The following KCNMA1 variants were observed in gnomAD, a reference collection of about 807,000 sequenced individuals.
The protein encoded by KCNMA1 is Calcium-activated potassium channel subunit alpha-1.
KCNMA1 carries 29 observed loss-of-function variants against 140.0 expected under a neutral mutation model. That is an observed-to-expected ratio of 0.21 (90% CI 0.15 to 0.28). KCNMA1 has a LOEUF of 0.28. Among genes scored for constraint, KCNMA1 ranks in the 10% least tolerant of loss-of-function variants. The pLI is 1.00. For missense variants in KCNMA1, 880 were observed against 1,602.2 expected (o/e 0.55, Z 7.70); for synonymous variants, 612 against 611.9 (o/e 1.00, Z 0.00).
chr10:77,407,258 C>T (rs1046729878), intron 1 of KCNMA1, among the ~76,000 whole-genome samples: 3 of 152,176 alleles, frequency 2.0e-5, no homozygotes, highest in African/African-American at 7.2e-5. Flanking sequence ...AGGCTAGCCA[C>T]AGATCTTGTG....
intron 1 of KCNMA1, among the ~76,000 whole-genome samples, chr10:77,514,253 A>G (rs1039653466): frequency 1.4e-4 from 21 of 152,208 alleles, no homozygotes; most frequent in African/African-American, 5.1e-4. Context: ...TCTGCCCCTC[A>G]GAGATAGCCA....
rs201304328 is a variant in KCNMA1, at chr10:77,496,596, C to CAAA, written c.379-92576_379-92574dup. Among the ~76,000 whole-genome samples, 286 of 62,982 alleles carry CAAA rather than the reference C, an allele frequency of 4.5e-3. 42 individuals are homozygous for CAAA. Among genetic ancestry groups the CAAA allele is most frequent in the Middle Eastern group, 0.014 (1 of 72 alleles). The allele number at this position is 62,982 out of a possible 152,430, so 41.3% of individuals were successfully genotyped here. A position where few individuals can be genotyped will look rare whatever the true frequency, so the allele number is the denominator to read the frequency against. The stretch of plus-strand genomic sequence containing the variant: ...TGGGTGACAGAGCGAGACACTGTCT[C>CAAA]AAAAAAAAAAAAAAAAAAAAAAAAA... On this transcript the variant is annotated intron_variant, in intron 1 of 27. Coordinates refer to ENST00000286628, the MANE Select transcript of KCNMA1 (RefSeq NM_001161352.2).
At chr10:77,540,919 C>T (rs1052640301) in intron 1 of KCNMA1, among the ~76,000 whole-genome samples, 1 of 151,904 alleles carries the variant, frequency 6.6e-6, no homozygotes, top group East Asian at 1.9e-4. Flanking sequence ...GCAGGAGAAT[C>T]GCTTGAACCC....
intron 19 of KCNMA1, among the ~76,000 whole-genome samples, chr10:76,971,637 C>T (rs1404569341): frequency 6.6e-6 from 1 of 152,106 alleles, no homozygotes; most frequent in Non-Finnish European, 1.5e-5. Context: ...CCCTGTACCA[C>T]CTGCTTCCTC....
intron 6 of KCNMA1, among the ~76,000 whole-genome samples, chr10:77,119,411 TAG>T (rs2097548384): frequency 6.6e-6 from 1 of 152,136 alleles, no homozygotes; most frequent in Admixed American, 6.5e-5. Flanking sequence ...TACCCAATGT[TAG>T]AGAGTGTCAC....
intron 19 of KCNMA1, chr10:76,977,610 T>A (rs1471085858): frequency 2.8e-6 from 2 of 702,808 alleles, no homozygotes; most frequent in Non-Finnish European, 5.2e-6. Flanking sequence ...TGCTTTCCAG[T>A]CTCCACAAAG....
intron 15 of KCNMA1, among the ~76,000 whole-genome samples, chr10:77,032,178 T>C (rs1199702290): frequency 2.0e-5 from 3 of 152,210 alleles, no homozygotes; most frequent in African/African-American, 4.8e-5. Flanking sequence ...GAGACCCTCT[T>C]ATACCCTTAT....
intron 1 of KCNMA1, among the ~76,000 whole-genome samples, chr10:77,577,485 G>T (rs184572048): frequency 6.6e-6 from 1 of 152,262 alleles, no homozygotes; most frequent in Non-Finnish European, 1.5e-5. Context: ...TTCTATGCAA[G>T]ATGGTCCCGT....
At chr10:77,599,634 G>A (rs977719642) in intron 1 of KCNMA1, among the ~76,000 whole-genome samples, 6 of 152,184 alleles carry the variant, frequency 3.9e-5, no homozygotes, top group African/African-American at 9.7e-5. Context: ...TTCCCACTGC[G>A]CAGAGTTGAC....
intron 2 of KCNMA1, among the ~76,000 whole-genome samples, chr10:77,339,705 G>A (rs1220067684): frequency 6.6e-5 from 10 of 152,252 alleles, no homozygotes; most frequent in Non-Finnish European, 1.5e-4. Context: ...CCAAGGTGGA[G>A]TCCAACCTTG....
intron 2 of KCNMA1, among the ~76,000 whole-genome samples, chr10:77,302,972 C>G (rs1412135213): frequency 1.3e-5 from 2 of 152,088 alleles, no homozygotes; most frequent in Non-Finnish European, 2.9e-5. Flanking sequence ...CCTGTGTTTG[C>G]CTAGGGATTT....
intron 2 of KCNMA1, among the ~76,000 whole-genome samples, chr10:77,282,949 T>C (rs1005815018): frequency 2.6e-5 from 4 of 152,378 alleles, no homozygotes; most frequent in South Asian, 2.1e-4. Flanking sequence ...TGAAGCTAGC[T>C]GAATATGTTC....
chr10:77,099,094 T>A (rs2153819755), intron 9 of KCNMA1, among the ~76,000 whole-genome samples: 1 of 152,140 alleles, frequency 6.6e-6, no homozygotes, highest in African/African-American at 2.4e-5. Flanking sequence ...AAGCAGAGAC[T>A]GAGAGAAGAC....
At chr10:76,909,753 C>A (rs1184734572) in intron 25 of KCNMA1, among the ~76,000 whole-genome samples, 1 of 152,194 alleles carries the variant, frequency 6.6e-6, no homozygotes, top group Non-Finnish European at 1.5e-5. Context: ...TTCCTTCTAG[C>A]CTGCCTTGCC....
intron 5 of KCNMA1, among the ~76,000 whole-genome samples, chr10:77,124,000 A>T (rs2574788): frequency 6.6e-6 from 1 of 151,966 alleles, no homozygotes; most frequent in East Asian, 1.9e-4. Flanking sequence ...CAACTTAAAC[A>T]TTATGAATTG....
In KCNMA1 at chr10:76,917,247, G is replaced by A. The variant is rs187525196; in HGVS notation, c.2903-2198C>T. 2.4e-3 allele frequency among the ~76,000 whole-genome samples: 369 copies of A among 152,210 alleles called. 1 individual carries two copies. The highest frequency in any genetic ancestry group is 3.0e-3 in the Non-Finnish European group (207 of 68,016). On this transcript the variant is annotated intron_variant, in intron 23 of 27. Coordinates refer to ENST00000286628, the MANE Select transcript of KCNMA1 (RefSeq NM_001161352.2). ...ACTTGACAAGTAAACACCTTAAATCGGTAATGCTATATGCATAATACATGG... is the reference window on the plus strand; with the variant it reads ...ACTTGACAAGTAAACACCTTAAATCAGTAATGCTATATGCATAATACATGG...
At chr10:76,926,346 T>C (rs183472027) in intron 23 of KCNMA1, among the ~76,000 whole-genome samples, 1 of 152,186 alleles carries the variant, frequency 6.6e-6, no homozygotes, top group African/African-American at 2.4e-5. Context: ...TGTGTCTCAG[T>C]TTCCTCATCT....
At chr10:77,528,792 A>C (rs1052769062) in intron 1 of KCNMA1, among the ~76,000 whole-genome samples, 24 of 152,200 alleles carry the variant, frequency 1.6e-4, no homozygotes, top group Non-Finnish European at 4.4e-5. Context: ...TGCATGCCAC[A>C]ACACAGGTGA....
chr10:76,877,574 G>A (rs1246633042), downstream of KCNMA1: 1 of 578,750 alleles, frequency 1.7e-6, no homozygotes, highest in Non-Finnish European at 3.0e-6. Context: ...ATACATGGAA[G>A]CAATATTCAA....
Sources: allele counts gnomAD v4.1 joint callset (sites outside exome capture counted in the v4.1 genomes callset), GRCh38; gene constraint gnomAD v4.1.1; transcripts MANE v1.5; gene names NCBI Gene and HGNC (gene_info 2026-07-23, HGNC 2026-07-21).